SLCO1A2: variants seen among roughly 807,000 people sequenced by gnomAD.
SLCO1A2 encodes the protein solute carrier organic anion transporter family member 1A2.
Under a neutral mutation model 69.0 loss-of-function variants are expected in SLCO1A2, and 67 were observed. That is an observed-to-expected ratio of 0.97 (90% CI 0.80 to 1.19). The LOEUF (loss-of-function observed/expected upper bound fraction) is 1.19. Ranked by LOEUF, SLCO1A2 falls within the 50% of genes most tolerant of loss-of-function variation. SLCO1A2 has a pLI of 0.00. For synonymous variants in SLCO1A2, 260 were observed against 265.9 expected (o/e 0.98, Z 0.22); for missense variants, 787 against 793.7 (o/e 0.99, Z 0.10).
upstream of SLCO1A2, among the ~76,000 whole-genome samples, chr12:21,339,618 TA>T (rs959429935): frequency 7.6e-4 from 116 of 151,782 alleles, no homozygotes; most frequent in African/African-American, 2.6e-3. Flanking sequence ...TAAGAAGAGC[TA>T]AAAAAAATTG....
intron 13 of SLCO1A2, 59 bp from the exon 14 acceptor site, chr12:21,274,645 G>T: frequency 1.8e-6 from 2 of 1,113,480 alleles, no homozygotes; most frequent in Non-Finnish European, 2.7e-6. Context: ...TGATTTATTT[G>T]GAAATATTTC....
At chr12:21,326,572 AG>A (rs1187224906) in intron 2 of SLCO1A2, among the ~76,000 whole-genome samples, 3 of 152,156 alleles carry the variant, frequency 2.0e-5, no homozygotes, top group Admixed American at 6.5e-5. Context: ...GTCCAGACTG[AG>A]GTGTTCTCAG....
In SLCO1A2 at chr12:21,297,426, AGAT is replaced by A. The variant is rs1947901038; in HGVS notation, c.1050_1052del (p.Ser352del). 1 of 1,611,428 alleles carries A rather than the reference AGAT, an allele frequency of 6.2e-7. No individual in the cohort carries two copies. The highest frequency in any genetic ancestry group is 1.7e-5 in the Admixed American group (1 of 59,832). On this transcript the variant is annotated inframe_deletion, in exon 9 of 15. Coordinates refer to ENST00000683939, the MANE Select transcript of SLCO1A2 (RefSeq NM_001386879.1). ...TACCCATTAGAAAGATTGCATCTGA[AGAT>A]GATATTCCATATTGCTGTTCTAGGT...
intron 2 of SLCO1A2, among the ~76,000 whole-genome samples, chr12:21,332,579 G>A (rs1421661029): frequency 6.6e-6 from 1 of 152,032 alleles, no homozygotes; most frequent in African/African-American, 2.4e-5. Context: ...ACTAACTTTG[G>A]AAGGCTCTTG....
At chr12:21,298,088 G>A (rs559604194) in intron 8 of SLCO1A2, among the ~76,000 whole-genome samples, 154 of 152,172 alleles carry the variant, frequency 1.0e-3, no homozygotes, top group Non-Finnish European at 1.8e-3. Context: ...TCAAGTATCC[G>A]GAATTTTTTT....
chr12:21,363,509 T>A (rs1939106173), intron 2 of SLCO1A2, among the ~76,000 whole-genome samples: 1 of 151,976 alleles, frequency 6.6e-6, no homozygotes, highest in South Asian at 2.1e-4. Flanking sequence ...AGCAAACACA[T>A]TCAAAAGCTA....
chr12:21,329,054 T>C (rs1298580081), intron 2 of SLCO1A2, among the ~76,000 whole-genome samples: 1 of 152,198 alleles, frequency 6.6e-6, no homozygotes, highest in East Asian at 1.9e-4. Flanking sequence ...TGTTCTCTTA[T>C]GAATAACCTC....
At chr12:21,312,683 T>C (rs868342710) in intron 4 of SLCO1A2, among the ~76,000 whole-genome samples, 8 of 152,060 alleles carry the variant, frequency 5.3e-5, no homozygotes, top group South Asian at 2.1e-4. Flanking sequence ...AATATTTTTG[T>C]ATCTAGGGGA....
intron 1 of SLCO1A2, among the ~76,000 whole-genome samples, chr12:21,394,622 A>G (rs1941339728): frequency 1.3e-5 from 2 of 152,086 alleles, no homozygotes; most frequent in Admixed American, 6.5e-5. Context: ...GTGCAGGGAG[A>G]CATACTGCAG....
At chr12:21,388,226 G>A (rs1302929572) in intron 1 of SLCO1A2, among the ~76,000 whole-genome samples, 2 of 152,076 alleles carry the variant, frequency 1.3e-5, no homozygotes, top group Non-Finnish European at 2.9e-5. Flanking sequence ...TTAAGACTTT[G>A]GGGGACTGTT....
intron 12 of SLCO1A2, among the ~76,000 whole-genome samples, chr12:21,281,724 T>C (rs1157739037): frequency 6.6e-6 from 1 of 151,958 alleles, no homozygotes; most frequent in Non-Finnish European, 1.5e-5. Context: ...AAAGAAAACA[T>C]TACAACTGAT....
chr12:21,281,622 T>C (rs1944815261), intron 12 of SLCO1A2, among the ~76,000 whole-genome samples: 1 of 151,506 alleles, frequency 6.6e-6, no homozygotes, highest in South Asian at 2.1e-4. Context: ...AAAGAAATAG[T>C]TATTTGAAAA....
intron 1 of SLCO1A2, among the ~76,000 whole-genome samples, chr12:21,401,166 G>A (rs1276637916): frequency 6.6e-6 from 1 of 151,498 alleles, no homozygotes; most frequent in Non-Finnish European, 1.5e-5. Flanking sequence ...CATAAATACA[G>A]TAAATTAAAA....
intron 14 of SLCO1A2, among the ~76,000 whole-genome samples, chr12:21,272,721 A>G (rs912286011): frequency 3.3e-5 from 5 of 152,152 alleles, no homozygotes; most frequent in Non-Finnish European, 5.9e-5. Context: ...CAATATAAAA[A>G]TTACTATCTT....
At position 21,403,711 on chromosome 12, in the gene SLCO1A2, C is replaced by CTTTTT. The variant is rs71043273; in HGVS notation, c.-312+14166_-312+14170dup. On this transcript the variant is annotated intron_variant, in intron 1 of 4. Transcript: ENST00000413682. ...ACTTGGAACCAGAGGCTCCTCCTTG[C>CTTTTT]TTTTTTTTTTTTTTTTTTTTTTTGG... 45 of 84,242 alleles carry CTTTTT rather than the reference C, an allele frequency of 5.3e-4. 1 individual carries two copies. Among genetic ancestry groups the CTTTTT allele is most frequent in the South Asian group, 9.6e-4 (2 of 2,078 alleles). The allele number at this position is 84,242 out of a possible 1,614,324, so 5.2% of individuals were successfully genotyped here. A position where few individuals can be genotyped will look rare whatever the true frequency, so the allele number is the denominator to read the frequency against.
At chr12:21,403,818 C>CT (rs1941778508) in intron 1 of SLCO1A2, among the ~76,000 whole-genome samples, 1 of 144,422 alleles carries the variant, frequency 6.9e-6, no homozygotes, top group Non-Finnish European at 1.5e-5. Flanking sequence ...TGGCACTAAA[C>CT]TTTGCTGAGC....
At chr12:21,337,564 T>C (rs917826349), upstream of SLCO1A2, among the ~76,000 whole-genome samples, 1 of 151,940 alleles carries the variant, frequency 6.6e-6, no homozygotes, top group Non-Finnish European at 1.5e-5. Context: ...AAAAATCTTA[T>C]GAAAATCACT....
At chr12:21,416,425 A>G (rs1389916295) in intron 1 of SLCO1A2, among the ~76,000 whole-genome samples, 5 of 152,014 alleles carry the variant, frequency 3.3e-5, no homozygotes, top group Non-Finnish European at 7.4e-5. Context: ...ATAACTCCAC[A>G]GATCAAGTTT....
chr12:21,404,713 T>C (rs1941794024), intron 1 of SLCO1A2, among the ~76,000 whole-genome samples: 2 of 152,182 alleles, frequency 1.3e-5, no homozygotes, highest in South Asian at 4.1e-4. Flanking sequence ...GCATATATCT[T>C]TATAACAGAA....
Sources: allele counts gnomAD v4.1 joint callset (sites outside exome capture counted in the v4.1 genomes callset), GRCh38; gene constraint gnomAD v4.1.1; transcripts MANE v1.5; gene names NCBI Gene and HGNC (gene_info 2026-07-23, HGNC 2026-07-21).